Variants in RORA observed in about 807,000 individuals in gnomAD.
RORA encodes RAR related orphan receptor A.
In RORA, 7 loss-of-function variants were observed where a neutral mutation model predicts 69.5. The ratio of observed to expected loss-of-function variants is 0.10; its 90% CI spans 0.06 to 0.19. The LOEUF is 0.19. Ranked by LOEUF, RORA falls within the 10% of genes least tolerant of loss-of-function variation. The pLI, the probability that RORA is intolerant of heterozygous loss-of-function variation, is 1.00. For missense variants in RORA, 457 were observed against 663.0 expected, an observed-to-expected ratio of 0.69 and a Z score of 3.41; for synonymous variants, 261 against 240.8, an observed-to-expected ratio of 1.08 and a Z score of -0.78.
rs1467642945 is a variant in RORA at position 60,511,643 on chromosome 15, A to G, written c.425-22T>C. On this transcript the variant is annotated intron_variant, in intron 4 of 10. Coordinates refer to ENST00000335670, the MANE Select transcript of RORA (RefSeq NM_134261.3). This position sits in a 1 kb window ranked among gnomAD's most constrained non-coding sequence, Gnocchi z 6.4. ...ACAGCTGGAAGAAAAAAGCCAAACC[A>G]TACTACATACAATGCGCTTTTCTTC... 1 of 1,578,082 alleles carries G rather than the reference A, an allele frequency of 6.3e-7. No homozygotes were observed. Among genetic ancestry groups the G allele is most frequent in the African/African-American group, 1.4e-5 (1 of 73,536 alleles).
chr15:60,613,319 T>C (rs1260493727), intron 2 of RORA, among the ~76,000 whole-genome samples: 3 of 152,206 alleles, frequency 2.0e-5, no homozygotes, highest in African/African-American at 7.2e-5. Flanking sequence ...CTTTGTTACA[T>C]TTTCTCTGGT....
chr15:60,620,877 C>T (rs185779183), intron 2 of RORA, among the ~76,000 whole-genome samples: 1 of 152,342 alleles, frequency 6.6e-6, no homozygotes, highest in African/African-American at 2.4e-5. Flanking sequence ...AGCTCAGAGC[C>T]GGCACGGAAA....
At chr15:60,934,191 G>A (rs1409376593) in intron 1 of RORA, among the ~76,000 whole-genome samples, 1 of 152,242 alleles carries the variant, frequency 6.6e-6, no homozygotes, top group Admixed American at 6.5e-5. Context: ...AGCTAACAAG[G>A]AGACTGCTGC....
At chr15:60,561,049 A>G (rs1218168727) in intron 2 of RORA, among the ~76,000 whole-genome samples, 1 of 149,824 alleles carries the variant, frequency 6.7e-6, no homozygotes, top group Admixed American at 6.6e-5. Context: ...GGGAAGTTTT[A>G]ACTTGTGTTT....
chr15:61,048,967 A>C (rs963108099), intron 1 of RORA, among the ~76,000 whole-genome samples: 4 of 152,158 alleles, frequency 2.6e-5, no homozygotes, highest in Non-Finnish European at 5.9e-5. Flanking sequence ...ACTGGGGACA[A>C]AGACTATCCA....
chr15:60,873,098 G>T (rs549221744), intron 1 of RORA, among the ~76,000 whole-genome samples: 2 of 152,092 alleles, frequency 1.3e-5, no homozygotes, highest in African/African-American at 4.8e-5. Context: ...CCCAGTCTCA[G>T]CTGGTGCCCA....
intron 1 of RORA, among the ~76,000 whole-genome samples, chr15:60,825,196 A>G (rs341381): frequency 0.26 from 40,266 of 152,102 alleles, 5,699 homozygotes; most frequent in Admixed American, 0.35. Flanking sequence ...GAACCAGAAG[A>G]AAGTGTAGTG....
intron 7 of RORA, 91 bp from the exon 8 acceptor site, chr15:60,502,958 A>C: frequency 1.2e-6 from 1 of 851,936 alleles, no homozygotes; most frequent in South Asian, 1.3e-5. Flanking sequence ...CTCCTTCTGC[A>C]ACAGCATGGT....
chr15:60,889,360 G>C (rs2073788273), intron 1 of RORA, among the ~76,000 whole-genome samples: 1 of 121,200 alleles, frequency 8.3e-6, no homozygotes, highest in Admixed American at 8.3e-5. Flanking sequence ...CGGGGGGGGG[G>C]GGAAGGAAAT....
chr15:60,518,539 A>T (rs2066043871), intron 3 of RORA, among the ~76,000 whole-genome samples: 1 of 152,204 alleles, frequency 6.6e-6, no homozygotes, highest in African/African-American at 2.4e-5. Context: ...CACCTCTCAC[A>T]CAAAACCAAG....
At chr15:61,125,147 A>G (rs1352334367) in intron 1 of RORA, among the ~76,000 whole-genome samples, 2 of 152,200 alleles carry the variant, frequency 1.3e-5, no homozygotes, top group Non-Finnish European at 2.9e-5. Context: ...TGGTCCACTA[A>G]ATGTCATATT....
intron 1 of RORA, among the ~76,000 whole-genome samples, chr15:61,162,798 C>T (rs1428136828): frequency 1.3e-5 from 2 of 152,178 alleles, no homozygotes; most frequent in Non-Finnish European, 2.9e-5. Flanking sequence ...TTGGCCAGCT[C>T]AATAAATGGG....
chr15:60,943,517 T>C lies in RORA; in HGVS notation c.167-264831A>G, dbSNP rs527746295. Among the ~76,000 whole-genome samples the C allele has an allele frequency of 2.0e-5, 3 of 152,286 alleles. No individual in the cohort carries two copies. The East Asian group carries it at 5.8e-4, about 29-fold the overall frequency. Reference sequence around the variant, plus strand: ...GTTCAGCCACTGTTTTAGAGGACTGTACTAATGAGCATAAGACAGAAGGTC... The same window carrying C: ...GTTCAGCCACTGTTTTAGAGGACTGCACTAATGAGCATAAGACAGAAGGTC... On this transcript the variant is annotated intron_variant, in intron 1 of 10. Coordinates refer to ENST00000335670, the MANE Select transcript of RORA (RefSeq NM_134261.3).
chr15:60,943,816 T>C (rs1892776771), intron 1 of RORA, among the ~76,000 whole-genome samples: 2 of 146,886 alleles, frequency 1.4e-5, no homozygotes, highest in South Asian at 4.4e-4. Flanking sequence ...CTCGGGAGGC[T>C]GAGGCAGGAG....
Position 60,503,686 on chromosome 15 carries a change from C to A in RORA, c.943-19G>T. The A allele has an allele frequency of 6.2e-7, 1 of 1,612,410 alleles. No homozygotes were observed. Among genetic ancestry groups the A allele is most frequent in the South Asian group, 1.1e-5 (1 of 90,794 alleles). On this transcript the variant is annotated intron_variant, in intron 6 of 10. Transcript: ENST00000335670. The stretch of plus-strand genomic sequence containing the variant: ...CCCGCTGCTGTTAAAGAGGGAAACA[C>A]ATTAACATCCTCCAGGAAGATGTTA...
At chr15:61,109,297 T>C (rs2078980759) in intron 1 of RORA, among the ~76,000 whole-genome samples, 1 of 152,196 alleles carries the variant, frequency 6.6e-6, no homozygotes, top group Non-Finnish European at 1.5e-5. Context: ...TAGGGTTTTG[T>C]CTGTTTGGTT....
intron 1 of RORA, among the ~76,000 whole-genome samples, chr15:60,684,864 T>C (rs979793690): frequency 6.6e-6 from 1 of 152,178 alleles, no homozygotes; most frequent in Non-Finnish European, 1.5e-5. Flanking sequence ...TCTCCCTCCC[T>C]GCAAGATGTC....
intron 1 of RORA, among the ~76,000 whole-genome samples, chr15:61,100,424 C>A (rs116062221): frequency 6.6e-6 from 1 of 152,090 alleles, no homozygotes; most frequent in Non-Finnish European, 1.5e-5. Context: ...CCGGCCTGAG[C>A]GGTCAATTTT....
chr15:60,931,743 T>G (rs985005557), intron 1 of RORA, among the ~76,000 whole-genome samples: 5 of 152,222 alleles, frequency 3.3e-5, no homozygotes, highest in African/African-American at 1.2e-4. Context: ...AGATGGGACA[T>G]GGTCTGGCAA....
Sources: allele counts gnomAD v4.1 joint callset (sites outside exome capture counted in the v4.1 genomes callset), GRCh38; gene constraint gnomAD v4.1.1; non-coding constraint Gnocchi (gnomAD v3.1); transcripts MANE v1.5; gene names NCBI Gene and HGNC (gene_info 2026-07-23, HGNC 2026-07-21).